DMD: variants seen among roughly 807,000 people sequenced by gnomAD.
The protein encoded by DMD is dystrophin, also known as mutant dystrophin.
In DMD, 63 loss-of-function variants were observed where a neutral mutation model predicts 330.1. That is an observed-to-expected ratio of 0.19 (90% confidence interval 0.16 to 0.24). DMD has a LOEUF of 0.24. Among genes scored for constraint, DMD ranks in the 10% least tolerant of loss-of-function variants. The probability of loss-of-function intolerance (pLI) is 1.00; values close to 1 mark genes in which losing one functional copy is unlikely to be tolerated. For missense variants in DMD, 3,344 were observed against 2,684.1 expected (o/e 1.25, Z -5.43); for synonymous variants, 1,223 against 959.8 (o/e 1.27, Z -5.07).
chrX:32,879,040 A>C (rs1426338689), intron 2 of DMD, among the ~76,000 whole-genome samples: 5 of 93,442 alleles, frequency 5.4e-5, no homozygotes, highest in Admixed American at 2.2e-4. Context: ...AACAAACAAA[A>C]AAAAAACAAC....
At chrX:32,202,630 G>A (rs965029778) in intron 44 of DMD, among the ~76,000 whole-genome samples, 1 of 112,179 alleles carries the variant, frequency 8.9e-6, no homozygotes, top group Non-Finnish European at 1.9e-5. Context: ...GATTACAGGC[G>A]TGAGCCACCG....
chrX:31,792,420 T>C (rs1470292088), intron 50 of DMD, among the ~76,000 whole-genome samples: 2 of 112,422 alleles, frequency 1.8e-5, no homozygotes, highest in Admixed American at 1.9e-4. Context: ...GAAATTAGCA[T>C]GACGGCTGTA....
At chrX:32,802,911 G>A (rs1219149133) in intron 7 of DMD, among the ~76,000 whole-genome samples, 2 of 111,813 alleles carry the variant, frequency 1.8e-5, no homozygotes, top group Non-Finnish European at 3.8e-5. Context: ...ATGTTCATCA[G>A]GGATATTGAC....
intron 2 of DMD, among the ~76,000 whole-genome samples, chrX:32,937,725 A>AT (rs2090119435): frequency 9.2e-6 from 1 of 109,117 alleles, no homozygotes; most frequent in Non-Finnish European, 1.9e-5. Flanking sequence ...TCACATTAGT[A>AT]TTTTACAGAC....
intron 2 of DMD, 23 bp downstream of exon 2, chrX:33,020,111 TAAAAG>T (rs2093884907): frequency 8.7e-7 from 1 of 1,151,358 alleles, no homozygotes; most frequent in Admixed American, 2.3e-5. Context: ...ACTTAGATCT[TAAAAG>T]TAAAGTAACA....
At chrX:32,943,606 A>G (rs140429317) in intron 2 of DMD, among the ~76,000 whole-genome samples, 1,741 of 111,088 alleles carry the variant, frequency 0.016, 27 homozygotes, top group East Asian at 0.078. Context: ...TCACTGTAAT[A>G]ACAATTAAAC....
intron 78 of DMD, among the ~76,000 whole-genome samples, chrX:31,124,332 G>T (rs1190070408): frequency 1.8e-5 from 2 of 111,770 alleles, no homozygotes; most frequent in East Asian, 5.6e-4. Flanking sequence ...CCAGAAAAAA[G>T]AAGTCAATCT....
intron 1 of DMD, among the ~76,000 whole-genome samples, chrX:33,117,550 C>T (rs942162109): frequency 2.7e-5 from 3 of 111,381 alleles, no homozygotes; most frequent in Admixed American, 9.6e-5. Flanking sequence ...TTTATTATTA[C>T]ATTTTATTGT....
At chrX:32,795,943 CAAGAA>C (rs1199735286) in intron 7 of DMD, among the ~76,000 whole-genome samples, 2 of 111,115 alleles carry the variant, frequency 1.8e-5, no homozygotes, top group Non-Finnish European at 3.8e-5. Context: ...ATTAAAAAGA[CAAGAA>C]AACAACAGAT....
chrX:32,283,372 A>G (rs2097427852), intron 43 of DMD, among the ~76,000 whole-genome samples: 1 of 111,861 alleles, frequency 8.9e-6, no homozygotes, highest in South Asian at 3.7e-4. Context: ...AAATACCAAT[A>G]TAGCCCTTCT....
At position 33,039,390 on chromosome X, in the gene DMD, C is replaced by T. The variant is rs533039857; in HGVS notation, c.32-19190G>A. Among the ~76,000 whole-genome samples, 59 of 105,774 alleles carry T rather than the reference C, an allele frequency of 5.6e-4. 1 individual carries two copies. Among genetic ancestry groups the T allele is most frequent in the Non-Finnish European group, 1.0e-3 (52 of 51,392 alleles). 91.9% of individuals were successfully genotyped at this position (105,774 alleles called of 115,157 possible). ...AAACAAACAAACAAAACAAAAAGGC[C>T]AGGACAGCAGGTTCTACACTTTTGA... On this transcript the variant is annotated intron_variant, in intron 1 of 78. Transcript: ENST00000357033.
chrX:32,182,280 G>A (rs2096929792), intron 44 of DMD, among the ~76,000 whole-genome samples: 1 of 112,120 alleles, frequency 8.9e-6, no homozygotes, highest in African/African-American at 3.2e-5. Flanking sequence ...TATCATAGAA[G>A]CTAGTCCTTA....
At chrX:32,515,877 T>C (rs1470195562) in intron 18 of DMD, among the ~76,000 whole-genome samples, 1 of 111,877 alleles carries the variant, frequency 8.9e-6, no homozygotes, top group Non-Finnish European at 1.9e-5. Flanking sequence ...AAGTCAGCTT[T>C]TAAATAAGTG....
At chrX:32,538,221 A>G (rs1326193677) in intron 17 of DMD, among the ~76,000 whole-genome samples, 2 of 112,329 alleles carry the variant, frequency 1.8e-5, no homozygotes, top group Non-Finnish European at 3.8e-5. Flanking sequence ...TTACGTCCAG[A>G]TGGCCTGAAG....
chrX:32,777,297 G>C (rs1431128660), intron 7 of DMD, among the ~76,000 whole-genome samples: 2 of 90,747 alleles, frequency 2.2e-5, no homozygotes, highest in Non-Finnish European at 4.4e-5. Context: ...ATCCTACCAA[G>C]CTAGGAAATT....
Position 32,103,364 on chromosome X carries a change from A to T in DMD, c.6438+113552T>A, listed in dbSNP as rs370567862. On this transcript the variant is annotated intron_variant, in intron 44 of 78. Transcript: ENST00000357033. ...ATATTAAATATCAAGTGTTATTCCA[A>T]CCATTAAAGGATTTTTACTAAGAGA... Among the ~76,000 whole-genome samples the T allele has an allele frequency of 3.6e-5, 4 of 111,982 alleles. No homozygotes were observed. In the East Asian group the frequency reaches 8.4e-4, roughly 24 times the overall value.
At chrX:32,486,424 A>G (rs886253193) in intron 20 of DMD, among the ~76,000 whole-genome samples, 1 of 111,598 alleles carries the variant, frequency 9.0e-6, no homozygotes, top group African/African-American at 3.3e-5. Flanking sequence ...TTTAAATTAC[A>G]TATGTGGCTT....
At chrX:31,774,402 A>T (rs1420110038) in intron 50 of DMD, among the ~76,000 whole-genome samples, 1 of 111,449 alleles carries the variant, frequency 9.0e-6, no homozygotes, top group Non-Finnish European at 1.9e-5. Context: ...AAAAGATTCA[A>T]CCTTTTCATT....
chrX:32,284,473 A>G (rs934164352), intron 43 of DMD, among the ~76,000 whole-genome samples: 1 of 111,895 alleles, frequency 8.9e-6, no homozygotes, highest in Non-Finnish European at 1.9e-5. Context: ...GTAAGAATGA[A>G]TTAACAGATA....
Sources: allele counts gnomAD v4.1 joint callset (sites outside exome capture counted in the v4.1 genomes callset), GRCh38; gene constraint gnomAD v4.1.1; transcripts MANE v1.5; gene names NCBI Gene and HGNC (gene_info 2026-07-23, HGNC 2026-07-21).